Variants in FSD1L observed in about 807,000 individuals in gnomAD.
FSD1L encodes FSD1-like protein.
In FSD1L, 45 loss-of-function variants were observed where a neutral mutation model predicts 71.6. That is an observed-to-expected ratio of 0.63 (90% confidence interval 0.49 to 0.81). The LOEUF (loss-of-function observed/expected upper bound fraction) is 0.81. Ranked by LOEUF, FSD1L falls within the 30% of genes least tolerant of loss-of-function variation. The pLI, the probability that FSD1L is intolerant of heterozygous loss-of-function variation, is 0.00. For missense variants in FSD1L, 561 were observed against 618.1 expected (o/e 0.91, Z 0.98); for synonymous variants, 197 against 207.2 (o/e 0.95, Z 0.42).
At chr9:105,447,778 C>T (rs1285561578), upstream of FSD1L, 1 of 249,066 alleles carries the variant, frequency 4.0e-6, no homozygotes, top group South Asian at 4.6e-5. Context: ...GCTAATCCGT[C>T]TCCAGCACCA....
In FSD1L at chr9:105,448,177, G is replaced by T. The variant is rs1370085256; in HGVS notation, c.-44G>T. 2 of 1,540,778 alleles carry T rather than the reference G, an allele frequency of 1.3e-6. No individual in the cohort carries two copies. The highest frequency in any genetic ancestry group is 1.8e-6 in the Non-Finnish European group (2 of 1,141,132). Reference sequence around the variant, plus strand: ...CGATCTCGCTGAGCCTCCTCACACGGTTCGTCGTCTCGGGTTCGAGCCCAG... The same window carrying T: ...CGATCTCGCTGAGCCTCCTCACACGTTTCGTCGTCTCGGGTTCGAGCCCAG... On this transcript the variant is annotated 5_prime_UTR_variant, in exon 1 of 14. Transcript: ENST00000481272.
chr9:105,465,301 G>A (rs1247113659), intron 3 of FSD1L, among the ~76,000 whole-genome samples: 1 of 152,154 alleles, frequency 6.6e-6, no homozygotes, highest in Admixed American at 6.5e-5. Flanking sequence ...CAACCTGATG[G>A]TTTTACCACT....
At chr9:105,537,571 G>A (rs1264987948) in intron 12 of FSD1L, among the ~76,000 whole-genome samples, 1 of 152,036 alleles carries the variant, frequency 6.6e-6, no homozygotes, top group African/African-American at 2.4e-5. Context: ...AAGTTGTACT[G>A]TGGAATAGGA....
chr9:105,454,667 A>G (rs562649252), intron 1 of FSD1L, among the ~76,000 whole-genome samples: 21 of 152,284 alleles, frequency 1.4e-4, no homozygotes, highest in African/African-American at 4.8e-4. Flanking sequence ...AGCCAGTTCA[A>G]AGGCCACTGC....
intron 10 of FSD1L, among the ~76,000 whole-genome samples, chr9:105,515,916 G>A (rs946289513): frequency 7.2e-5 from 11 of 152,124 alleles, no homozygotes; most frequent in African/African-American, 2.4e-4. Flanking sequence ...CCACCCCCAT[G>A]GAACCCAGCA....
chr9:105,465,875 CT>C (rs369033551), intron 3 of FSD1L, among the ~76,000 whole-genome samples: 396 of 144,152 alleles, frequency 2.7e-3, no homozygotes, highest in Middle Eastern at 3.5e-3. Context: ...ACTCTCACCA[CT>C]TTTTTTTTTT....
chr9:105,512,038 T>C (rs1253540337), intron 9 of FSD1L, among the ~76,000 whole-genome samples: 1 of 152,108 alleles, frequency 6.6e-6, no homozygotes, highest in Non-Finnish European at 1.5e-5. Flanking sequence ...ATGGTGTGAT[T>C]AGCCATGAAT....
chr9:105,524,229 A>G lies in FSD1L; in HGVS notation c.1026-10264A>G, dbSNP rs535607809. ...TCTGAATGTGATTTGTGTTTCCTTA[A>G]AGTTTACTAATAAAACAGTAGCCCA... On this transcript the variant is annotated intron_variant, in intron 10 of 13. Coordinates refer to ENST00000481272, the MANE Select transcript of FSD1L (RefSeq NM_001145313.3). 2.6e-5 allele frequency: 42 copies of G among 1,612,290 alleles called. No individual in the cohort carries two copies. In the East Asian group the frequency reaches 8.9e-4, roughly 34 times the overall value.
chr9:105,457,499 A>C (rs1349366923), intron 1 of FSD1L, among the ~76,000 whole-genome samples: 2 of 152,252 alleles, frequency 1.3e-5, no homozygotes, highest in African/African-American at 2.4e-5. Flanking sequence ...TGATTAAGAA[A>C]AATTTTGCTA....
chr9:105,530,629 G>A (rs1408857439), intron 10 of FSD1L: 1 of 672,100 alleles, frequency 1.5e-6, no homozygotes, highest in East Asian at 2.8e-5. Flanking sequence ...GTTGCCCTGA[G>A]TTACTTGGGA....
At chr9:105,448,329 G>C in intron 1 of FSD1L, 94 bp downstream of exon 1, 1 of 1,205,622 alleles carries the variant, frequency 8.3e-7, no homozygotes, top group Non-Finnish European at 1.1e-6. Context: ...GGGTGCGCGG[G>C]GTGGGCCTGG....
At chr9:105,527,925 C>G (rs1835626936) in intron 10 of FSD1L, among the ~76,000 whole-genome samples, 1 of 152,126 alleles carries the variant, frequency 6.6e-6, no homozygotes, top group Non-Finnish European at 1.5e-5. Flanking sequence ...TCTCCTTAAG[C>G]TTATAAGCAA....
At chr9:105,501,514 C>T (rs375888811) in intron 7 of FSD1L, among the ~76,000 whole-genome samples, 3 of 152,216 alleles carry the variant, frequency 2.0e-5, no homozygotes, top group Admixed American at 6.5e-5. Flanking sequence ...GCCTCTAACT[C>T]CTGGCTCAAG....
intron 6 of FSD1L, among the ~76,000 whole-genome samples, chr9:105,483,540 T>G (rs1192327075): frequency 6.6e-6 from 1 of 152,136 alleles, no homozygotes; most frequent in Non-Finnish European, 1.5e-5. Flanking sequence ...CTTGTGGAAA[T>G]TTATTGGAAT....
intron 8 of FSD1L, among the ~76,000 whole-genome samples, chr9:105,507,392 T>C (rs950196762): frequency 4.6e-5 from 7 of 152,234 alleles, no homozygotes; most frequent in Admixed American, 6.5e-5. Context: ...AGCACCATTA[T>C]TGAGCAGTTA....
At chr9:105,496,415 T>C (rs1833409049) in intron 7 of FSD1L, among the ~76,000 whole-genome samples, 1 of 152,190 alleles carries the variant, frequency 6.6e-6, no homozygotes, top group Non-Finnish European at 1.5e-5. Context: ...AGTCATCTTA[T>C]TGATATCCAC....
At chr9:105,456,979 T>C (rs994924962) in intron 1 of FSD1L, among the ~76,000 whole-genome samples, 1 of 152,200 alleles carries the variant, frequency 6.6e-6, no homozygotes, top group African/African-American at 2.4e-5. Context: ...AGATCTGATA[T>C]AAAAATCTGA....
At chr9:105,522,944 C>T (rs1298426124) in intron 10 of FSD1L, 15 of 1,613,174 alleles carry the variant, frequency 9.3e-6, no homozygotes, top group African/African-American at 2.7e-5. Context: ...CTTCTCCTGC[C>T]AGTGCAGGGA....
At chr9:105,478,300 A>G (rs1333935410) in intron 5 of FSD1L, among the ~76,000 whole-genome samples, 1 of 152,200 alleles carries the variant, frequency 6.6e-6, no homozygotes, top group Non-Finnish European at 1.5e-5. Flanking sequence ...TCAGACCAGA[A>G]TGTTTTAGGG....
Sources: allele counts gnomAD v4.1 joint callset (sites outside exome capture counted in the v4.1 genomes callset), GRCh38; gene constraint gnomAD v4.1.1; transcripts MANE v1.5; gene names NCBI Gene and HGNC (gene_info 2026-07-23, HGNC 2026-07-21).